Variants in SLC35E3 observed in about 807,000 individuals in gnomAD.
The protein encoded by SLC35E3 is bladder cancer-overexpressed gene 1 protein.
Under a neutral mutation model 30.8 loss-of-function variants are expected in SLC35E3, and 28 were observed. The ratio of observed to expected loss-of-function variants is 0.91; its 90% CI spans 0.67 to 1.25. The LOEUF (loss-of-function observed/expected upper bound fraction) is 1.25, where lower values mean the gene tolerates loss of function less well. Ranked by LOEUF, SLC35E3 falls within the 50% of genes most tolerant of loss-of-function variation. The pLI, the probability that SLC35E3 is intolerant of heterozygous loss-of-function variation, is 0.00. For missense variants in SLC35E3, 365 were observed against 375.4 expected, an observed-to-expected ratio of 0.97 and a Z score of 0.23; for synonymous variants, 146 against 149.2, an observed-to-expected ratio of 0.98 and a Z score of 0.16.
Position 68,746,257 on chromosome 12 carries a change from C to A in SLC35E3, c.-121C>A. 1.1e-6 allele frequency: 1 copy of A among 937,618 alleles called. No individual in the cohort carries two copies. Among genetic ancestry groups the A allele is most frequent in the Non-Finnish European group, 1.6e-6 (1 of 636,694 alleles). 58.1% of individuals were successfully genotyped at this position (937,618 alleles called of 1,614,324 possible). On this transcript the variant is annotated 5_prime_UTR_variant, in exon 1 of 5. Transcript: ENST00000398004. Reference sequence around the variant, plus strand: ...CTCGCCCGGGGTTGATCTGTGCATGCCACTCCTGGGTCAGACGGTGAGGTC... The same window carrying A: ...CTCGCCCGGGGTTGATCTGTGCATGACACTCCTGGGTCAGACGGTGAGGTC...
intron 4 of SLC35E3, among the ~76,000 whole-genome samples, chr12:68,761,272 GGGCACAAT>G (rs1274349070): frequency 6.6e-6 from 1 of 152,166 alleles, no homozygotes; most frequent in East Asian, 1.9e-4. Flanking sequence ...TCAGTGGGCC[GGGCACAAT>G]GGCACACCTG....
chr12:68,758,131 A>G (rs140904901), intron 3 of SLC35E3, among the ~76,000 whole-genome samples: 2 of 148,574 alleles, frequency 1.3e-5, no homozygotes, highest in Middle Eastern at 3.4e-3. Context: ...TTTAATAGAA[A>G]AAGATCTCGG....
At position 68,765,033 on chromosome 12, in the gene SLC35E3, G is replaced by C. The variant is rs1879344280; in HGVS notation, c.*143G>C. 6.1e-6 allele frequency: 4 copies of C among 651,472 alleles called. No individual in the cohort carries two copies. Among genetic ancestry groups the C allele is most frequent in the Non-Finnish European group, 1.0e-5 (4 of 398,464 alleles). 40.4% of individuals were successfully genotyped at this position (651,472 alleles called of 1,614,324 possible). ...GCACTTTGGGAGGCCAAGGCCAGCG[G>C]ATCACTTGAGGTCAGGAGTTCGAGA... On this transcript the variant is annotated 3_prime_UTR_variant, in exon 5 of 5. Transcript: ENST00000398004.
Position 68,773,879 on chromosome 12 carries a change from T to A in SLC35E3, c.*8989T>A, listed in dbSNP as rs1879669999. The A allele has an allele frequency of 6.6e-6, 1 of 152,214 alleles. No homozygotes were observed. The highest frequency in any genetic ancestry group is 2.4e-5 in the African/African-American group (1 of 41,456). The allele number at this position is 152,214 out of a possible 1,614,324, so 9.4% of individuals were successfully genotyped here. ...CCTAAGCAAATGCCCATTCCTATTC[T>A]TTGTTCATCTCCACTCTAGAGGCTA... is the stretch of plus-strand genomic sequence containing the variant. On this transcript the variant is annotated 3_prime_UTR_variant, in exon 5 of 5. Coordinates refer to ENST00000398004, the MANE Select transcript of SLC35E3 (RefSeq NM_018656.5).
intron 3 of SLC35E3, among the ~76,000 whole-genome samples, chr12:68,758,537 A>G (rs1879115190): frequency 6.6e-6 from 1 of 152,144 alleles, no homozygotes; most frequent in South Asian, 2.1e-4. Context: ...ATGTACAATA[A>G]TAATAATGCA....
chr12:68,748,391 A>C (rs1462559276), intron 2 of SLC35E3, among the ~76,000 whole-genome samples: 1 of 152,156 alleles, frequency 6.6e-6, no homozygotes, highest in African/African-American at 2.4e-5. Flanking sequence ...ATTGTTGTGA[A>C]GGAGTGAGTA....
At chr12:68,761,289 T>A (rs747378112) in intron 4 of SLC35E3, among the ~76,000 whole-genome samples, 1 of 152,210 alleles carries the variant, frequency 6.6e-6, no homozygotes, top group Non-Finnish European at 1.5e-5. Flanking sequence ...ATGGCACACC[T>A]GTCATTCCAA....
At chr12:68,762,203 A>G (rs753438726) in intron 4 of SLC35E3, among the ~76,000 whole-genome samples, 2 of 152,146 alleles carry the variant, frequency 1.3e-5, no homozygotes. Context: ...AGTGAGCAGT[A>G]TGAAGCTGTG....
In SLC35E3 at chr12:68,776,312, C is replaced by A. The variant is rs1565722476; in HGVS notation, c.*11422C>A. The A allele has an allele frequency of 6.6e-6, 1 of 151,284 alleles. No homozygotes were observed. The highest frequency in any genetic ancestry group is 1.5e-5 in the Non-Finnish European group (1 of 67,948). 9.4% of individuals were successfully genotyped at this position (151,284 alleles called of 1,614,324 possible). On this transcript the variant is annotated 3_prime_UTR_variant, in exon 5 of 5. Coordinates refer to ENST00000398004, the MANE Select transcript of SLC35E3 (RefSeq NM_018656.5). ...TCACTTGAGGTCAGGAGTTGGAGAC[C>A]AGCCTGGCCAACATGGTGAAACCCA...
In SLC35E3 at chr12:68,769,672, TAAAA is replaced by T. The variant is rs1879551002; in HGVS notation, c.*4783_*4786del. 6.6e-6 allele frequency: 1 copy of T among 151,392 alleles called. No individual in the cohort carries two copies. 9.4% of individuals were successfully genotyped at this position (151,392 alleles called of 1,614,324 possible). ...AAAACTGTCTCAAATAAATAAATAA[TAAAA>T]GAAAGGAGACCGGATTTATTAGATG... On this transcript the variant is annotated 3_prime_UTR_variant, in exon 5 of 5. Transcript: ENST00000398004.
chr12:68,751,947 C>A, intron 2 of SLC35E3, 85 bp from the exon 3 acceptor site: 1 of 1,326,236 alleles, frequency 7.5e-7, no homozygotes, highest in Non-Finnish European at 1.0e-6. Flanking sequence ...CCCACATTCC[C>A]ATCTTTGTGA....
In SLC35E3 at chr12:68,772,731, C is replaced by T. The variant is rs1038004947; in HGVS notation, c.*7841C>T. On this transcript the variant is annotated 3_prime_UTR_variant, in exon 5 of 5. Transcript: ENST00000398004. ...TGCATTTCTAAATATTTATTTTTTT[C>T]GGTTATCCGTAGACTTTTCCTTTTG... is the stretch of plus-strand genomic sequence containing the variant. The T allele has an allele frequency of 3.9e-5, 6 of 152,016 alleles. No individual in the cohort carries two copies. The highest frequency in any genetic ancestry group is 1.3e-4 in the Admixed American group (2 of 15,248). 9.4% of individuals were successfully genotyped at this position (152,016 alleles called of 1,614,324 possible).
intron 2 of SLC35E3, 114 bp from the exon 3 acceptor site, chr12:68,751,918 A>G (rs1878810113): frequency 2.1e-6 from 2 of 960,258 alleles, no homozygotes; most frequent in Non-Finnish European, 3.0e-6. Context: ...TAGACATTTT[A>G]TCTTCCCCTA....
In SLC35E3 at chr12:68,775,979, A is replaced by G. The variant is rs1292239398; in HGVS notation, c.*11089A>G. 6.7e-5 allele frequency: 7 copies of G among 105,110 alleles called. No individual in the cohort carries two copies. Among genetic ancestry groups the G allele is most frequent in the African/African-American group, 2.7e-4 (7 of 26,030 alleles). The allele number at this position is 105,110 out of a possible 1,614,324, so 6.5% of individuals were successfully genotyped here. On this transcript the variant is annotated 3_prime_UTR_variant, in exon 5 of 5. Transcript: ENST00000398004. ...AAAAAAAAAAAAAAAAAAAAAAAAAAGGCCAGACTTGGTAGCTAACACCTG... is the reference window on the plus strand; with the variant it reads ...AAAAAAAAAAAAAAAAAAAAAAAAAGGGCCAGACTTGGTAGCTAACACCTG...
chr12:68,780,123 A>G lies in SLC35E3; in HGVS notation c.*15233A>G, dbSNP rs980580646. On this transcript the variant is annotated 3_prime_UTR_variant, in exon 5 of 5. Coordinates refer to ENST00000398004, the MANE Select transcript of SLC35E3 (RefSeq NM_018656.5). ...ATATTTTTATTTAAATTTGCTCAAA[A>G]TTTTTATTTTTAAATCTTAACAATT... 7 of 152,096 alleles carry G rather than the reference A, an allele frequency of 4.6e-5. No individual in the cohort carries two copies. Among genetic ancestry groups the G allele is most frequent in the African/African-American group, 1.4e-4 (6 of 41,406 alleles). 9.4% of individuals were successfully genotyped at this position (152,096 alleles called of 1,614,324 possible). A position where few individuals can be genotyped will look rare whatever the true frequency, so the allele number is the denominator to read the frequency against.
chr12:68,746,508 T>G lies in SLC35E3; in HGVS notation c.131T>G (p.Met44Arg). The change falls in exon 1 of 5, where the codon ATG (methionine) becomes AGG (arginine). Residue 44 changes from methionine to arginine, a missense_variant. By Grantham distance (91) the Met-to-Arg change is moderately conservative. Coordinates refer to ENST00000398004, the MANE Select transcript of SLC35E3 (RefSeq NM_018656.5). ...TATGTGTACCACGGCTTCCCCAACATGAGCCTGACCCTGGTGCACTTCGTG... is the reference window on the plus strand; with the variant it reads ...TATGTGTACCACGGCTTCCCCAACAGGAGCCTGACCCTGGTGCACTTCGTG... Reference protein sequence around the residue: ...WIYVYHGFPNMSLTLVHFVVT... With the variant: ...WIYVYHGFPNRSLTLVHFVVT... 3 of 1,614,248 alleles carry G rather than the reference T, an allele frequency of 1.9e-6. No individual in the cohort carries two copies. The highest frequency in any genetic ancestry group is 2.5e-6 in the Non-Finnish European group (3 of 1,180,028).
intron 2 of SLC35E3, 134 bp from the exon 3 acceptor site, chr12:68,751,898 G>A (rs756445044): frequency 2.0e-4 from 152 of 777,508 alleles, no homozygotes; most frequent in Non-Finnish European, 2.7e-4. Context: ...TTGAAATCTT[G>A]TAGAATAATT....
chr12:68,760,929 T>C (rs527781191), intron 4 of SLC35E3, among the ~76,000 whole-genome samples: 2 of 152,280 alleles, frequency 1.3e-5, no homozygotes, highest in East Asian at 1.9e-4. Context: ...ATAGACAGCA[T>C]TGAAGTTCTA....
intron 2 of SLC35E3, among the ~76,000 whole-genome samples, chr12:68,751,771 T>C (rs1213345968): frequency 6.6e-6 from 1 of 152,218 alleles, no homozygotes; most frequent in Admixed American, 6.5e-5. Context: ...TAGAAGGAAA[T>C]AGAGGACTTT....
Sources: allele counts gnomAD v4.1 joint callset (sites outside exome capture counted in the v4.1 genomes callset), GRCh38; gene constraint gnomAD v4.1.1; transcripts MANE v1.5; gene names NCBI Gene and HGNC (gene_info 2026-07-23, HGNC 2026-07-21).